Variants in DLGAP2 observed in about 807,000 individuals in gnomAD.
The protein encoded by DLGAP2 is DLG associated protein 2.
In DLGAP2, 26 loss-of-function variants were observed where a neutral mutation model predicts 100.3. The ratio of observed to expected loss-of-function variants is 0.26; its 90% CI spans 0.19 to 0.36. DLGAP2 has a LOEUF of 0.36. Ranked by LOEUF, DLGAP2 falls within the 10% of genes least tolerant of loss-of-function variation. DLGAP2 has a pLI of 1.00. For synonymous variants in DLGAP2, 886 were observed against 630.1 expected (o/e 1.41, Z -6.08); for missense variants, 1,858 against 1,453.2 (o/e 1.28, Z -4.53).
chr8:767,515 C>T (rs1459418352), intron 1 of DLGAP2, among the ~76,000 whole-genome samples: 1 of 152,042 alleles, frequency 6.6e-6, no homozygotes, highest in Non-Finnish European at 1.5e-5. Flanking sequence ...TGGCACCCTG[C>T]CCGGCTAATT....
In DLGAP2 at chr8:1,445,843, A is replaced by T. The variant is rs146674009; in HGVS notation, c.107-55523A>T. ...ATTTGCATTTCTCTGATGGCCAGTG[A>T]TGATGAGCATATTTTCATGTGGTTT... On this transcript the variant is annotated intron_variant, in intron 3 of 14. Coordinates refer to ENST00000637795, the MANE Select transcript of DLGAP2 (RefSeq NM_001346810.2). 6.2e-3 allele frequency among the ~76,000 whole-genome samples: 940 copies of T among 152,340 alleles called. 12 individuals are homozygous for T. The highest frequency in any genetic ancestry group is 0.021 in the African/African-American group (863 of 41,564).
At chr8:955,556 C>G (rs988851854) in intron 2 of DLGAP2, among the ~76,000 whole-genome samples, 1 of 152,168 alleles carries the variant, frequency 6.6e-6, no homozygotes, top group Non-Finnish European at 1.5e-5. Context: ...GCTTGTCTGC[C>G]TTAACAGGGT....
chr8:854,176 A>G (rs1420585636), intron 1 of DLGAP2, among the ~76,000 whole-genome samples: 3 of 152,182 alleles, frequency 2.0e-5, no homozygotes, highest in African/African-American at 7.2e-5. Context: ...ACATAGACTA[A>G]GACCCTGTAG....
intron 2 of DLGAP2, among the ~76,000 whole-genome samples, chr8:1,120,229 G>A (rs1320567033): frequency 6.6e-6 from 1 of 152,144 alleles, no homozygotes; most frequent in Non-Finnish European, 1.5e-5. Flanking sequence ...AGCTGCTTCT[G>A]TGGCTCACAC....
chr8:1,558,654 C>T (rs1030230755), intron 5 of DLGAP2, among the ~76,000 whole-genome samples: 3 of 151,674 alleles, frequency 2.0e-5, no homozygotes, highest in Admixed American at 2.0e-4. Context: ...TACATAAACA[C>T]ACATATGCAC....
At chr8:832,411 C>A (rs181633405) in intron 1 of DLGAP2, among the ~76,000 whole-genome samples, 2 of 152,150 alleles carry the variant, frequency 1.3e-5, no homozygotes, top group Non-Finnish European at 2.9e-5. Context: ...GGAAGTGATC[C>A]AGTTTCCAGC....
At chr8:1,155,092 G>T (rs1796757222) in intron 2 of DLGAP2, among the ~76,000 whole-genome samples, 1 of 152,148 alleles carries the variant, frequency 6.6e-6, no homozygotes, top group South Asian at 2.1e-4. Flanking sequence ...TTCGTCGGAG[G>T]GGCCGTCTTA....
At chr8:1,287,635 TG>T (rs1799967839) in intron 3 of DLGAP2, among the ~76,000 whole-genome samples, 1 of 32,104 alleles carries the variant, frequency 3.1e-5, no homozygotes, top group African/African-American at 2.0e-4. Context: ...TTCGGTTGAG[TG>T]TGTGTGTGTG....
At chr8:1,229,959 A>G (rs1192632319) in intron 2 of DLGAP2, among the ~76,000 whole-genome samples, 3 of 152,210 alleles carry the variant, frequency 2.0e-5, no homozygotes, top group Non-Finnish European at 4.4e-5. Context: ...GAGAACTGGA[A>G]CAAGACAAGG....
At chr8:1,429,204 G>C (rs1435333609) in intron 3 of DLGAP2, among the ~76,000 whole-genome samples, 2 of 152,206 alleles carry the variant, frequency 1.3e-5, no homozygotes, top group Non-Finnish European at 2.9e-5. Flanking sequence ...TTAGAGGTCA[G>C]TTGGCAGTTT....
intron 3 of DLGAP2, among the ~76,000 whole-genome samples, chr8:1,432,830 C>G (rs1797491542): frequency 6.6e-6 from 1 of 152,154 alleles, no homozygotes; most frequent in Non-Finnish European, 1.5e-5. Flanking sequence ...TCGCCTGGTC[C>G]AGACACACTG....
At chr8:962,949 T>G (rs1182443614) in intron 2 of DLGAP2, among the ~76,000 whole-genome samples, 4 of 152,174 alleles carry the variant, frequency 2.6e-5, no homozygotes, top group African/African-American at 4.8e-5. Flanking sequence ...ATTCCCATGG[T>G]CAGGAGGCAG....
At chr8:1,026,822 A>C (rs1801814034) in intron 2 of DLGAP2, among the ~76,000 whole-genome samples, 2 of 152,230 alleles carry the variant, frequency 1.3e-5, no homozygotes, top group Non-Finnish European at 2.9e-5. Context: ...TACCCATGAG[A>C]TTAACGACTT....
intron 1 of DLGAP2, chr8:754,395 G>A (rs916097248): frequency 6.6e-6 from 1 of 152,182 alleles, no homozygotes; most frequent in Non-Finnish European, 1.5e-5. Context: ...AGACACTTTC[G>A]GCCTGGGTTT....
intron 3 of DLGAP2, among the ~76,000 whole-genome samples, chr8:1,288,577 G>C (rs1232956158): frequency 8.0e-5 from 8 of 99,424 alleles, no homozygotes; most frequent in Non-Finnish European, 1.9e-5. Context: ...AGGGGAACTA[G>C]TTTCAGTTGA....
chr8:916,956 C>A (rs981769407), intron 2 of DLGAP2, among the ~76,000 whole-genome samples: 2 of 152,200 alleles, frequency 1.3e-5, no homozygotes, highest in African/African-American at 4.8e-5. Flanking sequence ...ACAGCCTGGG[C>A]CATAGCCTTC....
At chr8:1,699,375 G>A (rs563799251) in intron 14 of DLGAP2, among the ~76,000 whole-genome samples, 1 of 152,066 alleles carries the variant, frequency 6.6e-6, no homozygotes, top group South Asian at 2.1e-4. Context: ...GGAGGCCTAG[G>A]CAGGTGGATC....
intron 2 of DLGAP2, among the ~76,000 whole-genome samples, chr8:1,252,346 A>G (rs80190443): frequency 2.9e-4 from 41 of 139,928 alleles, no homozygotes; most frequent in Non-Finnish European, 3.4e-4. Context: ...TGTCACAGTC[A>G]TGTCATGTCA....
intron 3 of DLGAP2, among the ~76,000 whole-genome samples, chr8:1,375,234 G>A (rs1486180556): frequency 1.3e-5 from 1 of 75,740 alleles, no homozygotes; most frequent in Non-Finnish European, 2.2e-5. Context: ...TTGGGTTAAC[G>A]ACACCTCTCC....
Sources: gnomAD v4.1 joint callset for allele counts (sites outside exome capture counted in the v4.1 genomes callset) on GRCh38, gnomAD v4.1.1 for gene constraint, MANE v1.5 for transcripts, NCBI Gene and HGNC (gene_info 2026-07-23, HGNC 2026-07-21) for gene names.